The following CLIC2 variants were observed in gnomAD, a reference collection of about 807,000 sequenced individuals.
CLIC2 encodes the protein chloride intracellular channel protein 2.
CLIC2 carries 9 observed loss-of-function variants against 14.8 expected under a neutral mutation model. The observed-to-expected ratio is 0.61, with a 90% CI of 0.37 to 1.06. The LOEUF is 1.06. CLIC2 is among the 50% of genes least tolerant of loss of function. The pLI, the probability that CLIC2 is intolerant of heterozygous loss-of-function variation, is 0.01. For missense variants in CLIC2, 148 were observed against 181.4 expected, an observed-to-expected ratio of 0.82 and a Z score of 1.06; for synonymous variants, 61 against 66.3, an observed-to-expected ratio of 0.92 and a Z score of 0.39.
intron 1 of CLIC2, chrX:155,309,604 T>A (rs2124195646): frequency 7.3e-6 from 2 of 272,770 alleles, no homozygotes; most frequent in South Asian, 7.3e-5. Context: ...CTCACAATCA[T>A]GGAAGAAGGT....
intron 3 of CLIC2, among the ~76,000 whole-genome samples, chrX:155,282,565 T>C (rs1490260646): frequency 2.7e-5 from 3 of 110,895 alleles, no homozygotes; most frequent in African/African-American, 9.9e-5. Flanking sequence ...GTCCAGGCCA[T>C]CCCTGCAGAT....
chrX:155,290,956 G>T, intron 3 of CLIC2: 1 of 715,457 alleles, frequency 1.4e-6, no homozygotes, highest in Non-Finnish European at 2.2e-6. Context: ...GGGGAAGATT[G>T]TGAGAGCAAA....
At chrX:155,288,382 AGTTT>A (rs2074950635) in intron 3 of CLIC2, among the ~76,000 whole-genome samples, 1 of 112,310 alleles carries the variant, frequency 8.9e-6, no homozygotes, top group Non-Finnish European at 1.9e-5. Context: ...AATAATAATT[AGTTT>A]AAGACTATAA....
rs781853876 is a variant in CLIC2, at chrX:155,298,817, C to T, written c.261G>A (p.Glu87=). The change falls in exon 3 of 6, where the codon GAG becomes GAA. Residue 87 remains glutamate, a synonymous_variant. Coordinates refer to ENST00000369449, the MANE Select transcript of CLIC2 (RefSeq NM_001289.6). ...GAGCCAGGGTTTGTTCTAAAAACTC[C>T]TCAATTTTAATGAAGTCTGTTTTCA... The part of the protein sequence containing the change: ...KELKTDFIKI[E]EFLEQTLAPP... 3 of 1,210,241 alleles carry T rather than the reference C, an allele frequency of 2.5e-6. No homozygotes were observed. Among genetic ancestry groups the T allele is most frequent in the South Asian group, 3.5e-5 (2 of 56,954 alleles).
At chrX:155,306,060 C>T (rs2075054407) in intron 1 of CLIC2, among the ~76,000 whole-genome samples, 1 of 111,594 alleles carries the variant, frequency 9.0e-6, no homozygotes, top group Admixed American at 9.5e-5. Flanking sequence ...TAAATTTTTA[C>T]AAATAGTTAA....
chrX:155,279,767 T>G (rs192309909), intron 4 of CLIC2, among the ~76,000 whole-genome samples, 195 bp downstream of exon 4: 308 of 111,777 alleles, frequency 2.8e-3, no homozygotes, highest in African/African-American at 9.7e-3. Flanking sequence ...CTATGGTTGG[T>G]AATAGCTATA....
intron 3 of CLIC2, among the ~76,000 whole-genome samples, chrX:155,293,740 CA>C (rs2074983135): frequency 9.0e-6 from 1 of 110,883 alleles, no homozygotes; most frequent in Non-Finnish European, 1.9e-5. Context: ...AAACGGAAAC[CA>C]AAAGTGAGCA....
chrX:155,325,759 G>T, intron 1 of CLIC2, among the ~76,000 whole-genome samples: 1 of 39,885 alleles, frequency 2.5e-5, no homozygotes, highest in Admixed American at 3.8e-4. Flanking sequence ...AAAAGAAAAT[G>T]TGATATATAT....
At chrX:155,299,625 T>C (rs1187782532) in intron 1 of CLIC2, among the ~76,000 whole-genome samples, 6 of 109,142 alleles carry the variant, frequency 5.5e-5, no homozygotes, top group Admixed American at 2.9e-4. Context: ...GTGCACATTG[T>C]GCAGGTTAGT....
chrX:155,315,378 A>G (rs1423810091), intron 1 of CLIC2, among the ~76,000 whole-genome samples: 1 of 112,291 alleles, frequency 8.9e-6, no homozygotes, highest in Non-Finnish European at 1.9e-5. Context: ...GGTAACCTAT[A>G]AAGGAAAACC....
chrX:155,320,896 C>T (rs181568168), intron 1 of CLIC2, among the ~76,000 whole-genome samples: 321 of 111,612 alleles, frequency 2.9e-3, no homozygotes, highest in African/African-American at 0.01. Context: ...AAAAACACAG[C>T]ACAAGAACTT....
intron 1 of CLIC2, chrX:155,310,228 T>A (rs949417160): frequency 1.6e-5 from 2 of 126,976 alleles, no homozygotes; most frequent in African/African-American, 3.2e-5. Flanking sequence ...GAGAGATGGG[T>A]TCCCATTGTC....
intron 1 of CLIC2, among the ~76,000 whole-genome samples, chrX:155,305,509 A>C (rs928794549): frequency 2.7e-5 from 3 of 112,045 alleles, no homozygotes; most frequent in Admixed American, 1.9e-4. Flanking sequence ...GGTACCTCAG[A>C]TGGAAATGCA....
chrX:155,316,920 T>A (rs1247256462), intron 1 of CLIC2, among the ~76,000 whole-genome samples: 4 of 111,190 alleles, frequency 3.6e-5, no homozygotes, highest in African/African-American at 1.3e-4. Flanking sequence ...TGCTGCCCAA[T>A]CAGATTAAGG....
chrX:155,332,861 A>G (rs911759563), intron 1 of CLIC2, among the ~76,000 whole-genome samples: 2 of 112,646 alleles, frequency 1.8e-5, no homozygotes, highest in Non-Finnish European at 3.8e-5. Context: ...GAGTTGAATG[A>G]ACAGTTCAGA....
chrX:155,327,089 C>T (rs1353104115), intron 1 of CLIC2, among the ~76,000 whole-genome samples: 1 of 111,239 alleles, frequency 9.0e-6, no homozygotes, highest in Non-Finnish European at 1.9e-5. Context: ...GTAAAGGGCA[C>T]ACAGCATCTC....
intron 3 of CLIC2, chrX:155,292,263 A>G (rs1322183006): frequency 7.0e-6 from 4 of 572,667 alleles, no homozygotes; most frequent in Non-Finnish European, 9.6e-6. Flanking sequence ...CACAAGGAGA[A>G]ACTCTACCTG....
intron 1 of CLIC2, among the ~76,000 whole-genome samples, chrX:155,326,607 A>G (rs1193932629): frequency 8.9e-6 from 1 of 111,980 alleles, no homozygotes; most frequent in African/African-American, 3.2e-5. Context: ...ATGAAAACTT[A>G]TGTCCATAAA....
chrX:155,297,974 C>A (rs2075000210), intron 3 of CLIC2, among the ~76,000 whole-genome samples: 1 of 107,484 alleles, frequency 9.3e-6, no homozygotes. Flanking sequence ...TACAGAGGGG[C>A]AGCCTCTAGT....
Sources: allele counts gnomAD v4.1 joint callset (sites outside exome capture counted in the v4.1 genomes callset), GRCh38; gene constraint gnomAD v4.1.1; transcripts MANE v1.5; gene names NCBI Gene and HGNC (gene_info 2026-07-23, HGNC 2026-07-21).